Variants in NHSL1 observed in about 807,000 individuals in gnomAD.
NHSL1 encodes the protein NHS-like protein 1.
NHSL1 carries 48 observed loss-of-function variants against 95.0 expected under a neutral mutation model. The ratio of observed to expected loss-of-function variants is 0.51; its 90% CI spans 0.40 to 0.64. The LOEUF (loss-of-function observed/expected upper bound fraction) is 0.64, where lower values mean the gene tolerates loss of function less well. NHSL1 is among the 30% of genes least tolerant of loss of function. The probability of loss-of-function intolerance (pLI) is 0.00; values close to 1 mark genes in which losing one functional copy is unlikely to be tolerated. For synonymous variants in NHSL1, 783 were observed against 833.9 expected (o/e 0.94, Z 1.05); for missense variants, 1,971 against 2,077.7 (o/e 0.95, Z 1.00).
exon 1 of NHSL1, chr6:138,571,737 A>G (rs1384366105): frequency 4.5e-6 from 7 of 1,552,260 alleles, no homozygotes; most frequent in East Asian, 2.4e-5. Flanking sequence ...CTGTATATCC[A>G]GTTTTCGTCA....
At chr6:138,496,630 C>A (rs1369321774) in intron 1 of NHSL1, among the ~76,000 whole-genome samples, 1 of 152,196 alleles carries the variant, frequency 6.6e-6, no homozygotes, top group Non-Finnish European at 1.5e-5. Flanking sequence ...TGCTTCCCAG[C>A]ATTTTAGGTC....
At chr6:138,567,660 T>A (rs1411972156) in intron 1 of NHSL1, among the ~76,000 whole-genome samples, 3 of 152,104 alleles carry the variant, frequency 2.0e-5, no homozygotes, top group African/African-American at 4.8e-5. Flanking sequence ...TTTAAATAGA[T>A]CCAACTCCCA....
Position 138,592,387 on chromosome 6 carries a change from C to T in NHSL1, c.97-96016G>A, listed in dbSNP as rs538115586. 6.6e-5 allele frequency among the ~76,000 whole-genome samples: 10 copies of T among 152,150 alleles called. No homozygotes were observed. The East Asian group carries it at 1.7e-3, about 27-fold the overall frequency. ...GCTGAGGCGGGTGGATCACTTGAGGCCAGGAGTTTGAGACCAGCCTGGCCA... is the reference window on the plus strand; with the variant it reads ...GCTGAGGCGGGTGGATCACTTGAGGTCAGGAGTTTGAGACCAGCCTGGCCA... On this transcript the variant is annotated intron_variant, in intron 1 of 3. Transcript: ENST00000491526.
chr6:138,501,285 A>C (rs1033506821), upstream of NHSL1, among the ~76,000 whole-genome samples: 1 of 152,184 alleles, frequency 6.6e-6, no homozygotes, highest in Non-Finnish European at 1.5e-5. Flanking sequence ...CTACTCTTTC[A>C]TTTCATTGGG....
chr6:138,499,156 C>G lies in NHSL1; in HGVS notation c.58+77G>C, dbSNP rs1028122888. The G allele has an allele frequency of 1.2e-4, 74 of 613,264 alleles. 2 individuals carry two copies. The highest frequency in any genetic ancestry group is 3.8e-5 in the Admixed American group (1 of 26,662). The allele number at this position is 613,264 out of a possible 1,614,324, so 38.0% of individuals were successfully genotyped here. On this transcript the variant is annotated intron_variant, in intron 1 of 7. Coordinates refer to ENST00000343505, the MANE Select transcript of NHSL1 (RefSeq NM_001144060.2). Reference sequence around the variant, plus strand: ...ATGGACACACACACACACACACACACACAGACACACAGGGACATATACACA... The same window carrying G: ...ATGGACACACACACACACACACACAGACAGACACACAGGGACATATACACA...
intron 1 of NHSL1, among the ~76,000 whole-genome samples, chr6:138,584,608 T>C (rs1784106287): frequency 6.6e-6 from 1 of 152,212 alleles, no homozygotes; most frequent in Non-Finnish European, 1.5e-5. Flanking sequence ...ACAAAAGGCC[T>C]AAAGAACACT....
chr6:138,603,468 C>T (rs150581134), intron 1 of NHSL1, among the ~76,000 whole-genome samples: 48 of 152,270 alleles, frequency 3.2e-4, no homozygotes, highest in African/African-American at 1.0e-3. Context: ...TTGGTGGTAC[C>T]TGTAAATAGT....
In NHSL1 at chr6:138,424,262, G is replaced by A. The variant is rs1213054565; in HGVS notation, c.4640C>T (p.Ala1547Val). Reference sequence around the variant, plus strand: ...CAGTCCGTCCAGGGAACATCCCTCCGCAGCGCCCAGAGCCCCGCGGGCTAT... The same window carrying A: ...CAGTCCGTCCAGGGAACATCCCTCCACAGCGCCCAGAGCCCCGCGGGCTAT... ...DSIARGALGA[A>V]EGCSLDGLAR... Residue 1547 changes from alanine to valine, a missense_variant, in exon 8 of 8, where the codon GCG becomes GTG. By Grantham distance (64) the Ala-to-Val change is moderately conservative. Transcript: ENST00000343505. This position sits in a 1 kb window ranked among gnomAD's most constrained non-coding sequence, Gnocchi z 5.9. The A allele has an allele frequency of 4.7e-6, 7 of 1,500,532 alleles. No homozygotes were observed. In the South Asian group the frequency reaches 5.2e-5, roughly 11 times the overall value. 93.0% of individuals were successfully genotyped at this position (1,500,532 alleles called of 1,614,324 possible).
chr6:138,461,595 C>G (rs191043342), intron 3 of NHSL1, among the ~76,000 whole-genome samples: 1 of 152,006 alleles, frequency 6.6e-6, no homozygotes, highest in African/African-American at 2.4e-5. Context: ...GATTTGGCAA[C>G]GTGGAGGTGA....
At chr6:138,685,456 C>A (rs1002685657) in intron 1 of NHSL1, among the ~76,000 whole-genome samples, 4 of 152,064 alleles carry the variant, frequency 2.6e-5, no homozygotes, top group African/African-American at 9.7e-5. Context: ...GCAGAATATA[C>A]ACAAATTAGA....
chr6:138,551,133 A>C (rs1475386777), intron 1 of NHSL1, among the ~76,000 whole-genome samples: 3 of 152,196 alleles, frequency 2.0e-5, no homozygotes, highest in Non-Finnish European at 4.4e-5. Flanking sequence ...TTATGTTGTT[A>C]ATCTCTTACT....
At chr6:138,583,321 G>A (rs932853045) in intron 1 of NHSL1, among the ~76,000 whole-genome samples, 1 of 152,158 alleles carries the variant, frequency 6.6e-6, no homozygotes, top group African/African-American at 2.4e-5. Context: ...CAGCATCATG[G>A]GGAAGGGAAA....
intron 1 of NHSL1, among the ~76,000 whole-genome samples, chr6:138,663,561 A>T (rs1785256773): frequency 2.3e-5 from 1 of 43,734 alleles, no homozygotes; most frequent in Admixed American, 2.1e-4. Context: ...ACTCCATCTC[A>T]AAAAAAAAAA....
intron 1 of NHSL1, among the ~76,000 whole-genome samples, chr6:138,506,531 C>A (rs1312920885): frequency 2.6e-5 from 4 of 152,118 alleles, no homozygotes; most frequent in Non-Finnish European, 5.9e-5. Flanking sequence ...AAAAAATAAT[C>A]TTTAAATATA....
At chr6:138,674,147 T>A (rs1296171744) in intron 1 of NHSL1, among the ~76,000 whole-genome samples, 1 of 148,056 alleles carries the variant, frequency 6.8e-6, no homozygotes, top group African/African-American at 2.5e-5. Flanking sequence ...AAGCAACAAA[T>A]TTTTTTTTTC....
chr6:138,602,472 G>A (rs1784384481), intron 1 of NHSL1, among the ~76,000 whole-genome samples: 1 of 152,100 alleles, frequency 6.6e-6, no homozygotes, highest in Admixed American at 6.5e-5. Context: ...CTCCGGAGTA[G>A]CTGGAATTAC....
rs191116854 is a variant in NHSL1, at chr6:138,442,099, C to A, written c.548G>T (p.Arg183Leu). ...TAGAGACCGCCGAAGGCTGGCCTGGCGATCGAAATTCTCCCCTAATGTAGA... is the reference window on the plus strand; with the variant it reads ...TAGAGACCGCCGAAGGCTGGCCTGGAGATCGAAATTCTCCCCTAATGTAGA... ...PINITGENFD[R>L]QASLRRSLIY... Residue 183 changes from arginine (R) to leucine (L), a missense_variant, in exon 5 of 8, where the codon CGC (arginine) becomes CTC (leucine). This residue lies in a region of NHSL1 where 1,602 missense variants were observed against 1,654.5 expected (regional missense o/e 0.97). Coordinates refer to ENST00000343505, the MANE Select transcript of NHSL1 (RefSeq NM_001144060.2). 5.2e-6 allele frequency: 8 copies of A among 1,549,228 alleles called. No homozygotes were observed. The African/African-American group carries it at 5.5e-5, about 11-fold the overall frequency.
Position 138,447,089 on chromosome 6 carries a change from G to A in NHSL1, c.444C>T (p.Thr148=), listed in dbSNP as rs1330580729. Reference sequence around the variant, plus strand: ...CTGGTGTTGGCAGTGGAAGCGACTTGGTCCAGTTCGTCTGAGTATTAAGGT... The same window carrying A: ...CTGGTGTTGGCAGTGGAAGCGACTTAGTCCAGTTCGTCTGAGTATTAAGGT... The part of the protein sequence containing the change: ...FSDLNTQTNW[T]KSLPLPTPEE... The change falls in exon 4 of 8, where the codon ACC becomes ACT. Residue 148 remains threonine (T), a synonymous_variant. Coordinates refer to ENST00000343505, the MANE Select transcript of NHSL1 (RefSeq NM_001144060.2). 1.9e-6 allele frequency: 3 copies of A among 1,551,704 alleles called. No individual in the cohort carries two copies. In the Admixed American group the frequency reaches 5.9e-5, roughly 30 times the overall value.
chr6:138,490,863 A>G (rs922928864), intron 2 of NHSL1, among the ~76,000 whole-genome samples: 3 of 152,120 alleles, frequency 2.0e-5, no homozygotes, highest in African/African-American at 7.2e-5. Context: ...CTATCTCCTG[A>G]CCTCGTGATC....
Sources: allele counts gnomAD v4.1 joint callset (sites outside exome capture counted in the v4.1 genomes callset), GRCh38; gene constraint gnomAD v4.1.1; regional missense constraint gnomAD v4.1.1; non-coding constraint Gnocchi (gnomAD v3.1); transcripts MANE v1.5; gene names NCBI Gene and HGNC (gene_info 2026-07-23, HGNC 2026-07-21).